The following LARP1B variants were observed in gnomAD, a reference collection of about 807,000 sequenced individuals.
The protein encoded by LARP1B is La ribonucleoprotein 1B.
In LARP1B, 76 loss-of-function variants were observed where a neutral mutation model predicts 114.2. The observed-to-expected ratio is 0.67, with a 90% CI of 0.55 to 0.81. LARP1B has a LOEUF of 0.81. Ranked by LOEUF, LARP1B falls within the 30% of genes least tolerant of loss-of-function variation. The probability of loss-of-function intolerance (pLI) is 0.00; values close to 1 mark genes in which losing one functional copy is unlikely to be tolerated. For missense variants in LARP1B, 1,014 were observed against 1,075.8 expected (o/e 0.94, Z 0.80); for synonymous variants, 345 against 348.0 (o/e 0.99, Z 0.10).
At chr4:128,201,607 T>C (rs1476620378) in intron 17 of LARP1B, among the ~76,000 whole-genome samples, 1 of 152,240 alleles carries the variant, frequency 6.6e-6, no homozygotes, top group African/African-American at 2.4e-5. Flanking sequence ...CATCTGTGCA[T>C]GTTCTTAACT....
intron 15 of LARP1B, among the ~76,000 whole-genome samples, chr4:128,191,927 T>G (rs1308400201): frequency 6.6e-6 from 1 of 152,148 alleles, no homozygotes; most frequent in Non-Finnish European, 1.5e-5. Context: ...CCTGGCAGAT[T>G]GCAGAAAAGG....
intron 8 of LARP1B, 57 bp from the exon 9 acceptor site, chr4:128,107,082 G>T: frequency 7.0e-7 from 1 of 1,435,294 alleles, no homozygotes. Context: ...GTTCTTAGAA[G>T]TATAGCACAG....
upstream of LARP1B, among the ~76,000 whole-genome samples, chr4:128,061,097 G>C (rs1480493381): frequency 6.6e-6 from 1 of 151,966 alleles, no homozygotes; most frequent in African/African-American, 2.4e-5. Flanking sequence ...CCAGTGAGCC[G>C]GGAGTCGTCC....
rs1758884229 is a variant in LARP1B, at chr4:128,210,985, CTTTTTGTTTAT to C, written c.*943_*953del. The C allele has an allele frequency of 1.1e-6, 1 of 926,762 alleles. No individual in the cohort carries two copies. The highest frequency in any genetic ancestry group is 1.8e-5 in the African/African-American group (1 of 55,956). The allele number at this position is 926,762 out of a possible 1,614,324, so 57.4% of individuals were successfully genotyped here. A position where few individuals can be genotyped will look rare whatever the true frequency, so the allele number is the denominator to read the frequency against. ...ATTTAAAATGAATACTTAGTTTTACCTTTTTGTTTATTTTTTGTTTAATTTTGTTTTTATAA... is the reference window on the plus strand; with the variant it reads ...ATTTAAAATGAATACTTAGTTTTACCTTTTTGTTTAATTTTGTTTTTATAA... On this transcript the variant is annotated 3_prime_UTR_variant, in exon 20 of 20. Transcript: ENST00000326639.
chr4:128,193,931 A>G (rs571565372), intron 15 of LARP1B, among the ~76,000 whole-genome samples: 1 of 151,850 alleles, frequency 6.6e-6, no homozygotes, highest in African/African-American at 2.4e-5. Context: ...TACTCCTTTT[A>G]AATTGTATTT....
chr4:128,188,693 C>T (rs865870427), intron 15 of LARP1B, among the ~76,000 whole-genome samples: 9 of 152,088 alleles, frequency 5.9e-5, no homozygotes, highest in Admixed American at 3.9e-4. Context: ...TGGAAAGTTA[C>T]GTTTCCATTT....
intron 7 of LARP1B, among the ~76,000 whole-genome samples, chr4:128,096,385 G>A (rs1242493536): frequency 6.6e-6 from 1 of 152,150 alleles, no homozygotes; most frequent in Non-Finnish European, 1.5e-5. Context: ...ATTATTAAAT[G>A]TATTGTGAAT....
chr4:128,219,814 A>C (rs1759855043), intron 6 of LARP1B, among the ~76,000 whole-genome samples: 1 of 151,670 alleles, frequency 6.6e-6, no homozygotes, highest in Admixed American at 6.6e-5. Flanking sequence ...TAAATAAATA[A>C]ATAAATAAAT....
downstream of LARP1B, among the ~76,000 whole-genome samples, chr4:128,216,941 TA>T (rs1419231273): frequency 2.0e-5 from 3 of 151,448 alleles, no homozygotes; most frequent in Non-Finnish European, 4.4e-5. Flanking sequence ...ATAGACACAA[TA>T]AAAAATGATA....
intron 9 of LARP1B, among the ~76,000 whole-genome samples, 184 bp from the exon 10 acceptor site, chr4:128,114,386 G>A (rs534161306): frequency 2.0e-5 from 3 of 152,106 alleles, no homozygotes; most frequent in African/African-American, 4.8e-5. Context: ...ATTATTCAGT[G>A]GCTTCACTTT....
chr4:128,082,700 T>C (rs1263084683), intron 5 of LARP1B, among the ~76,000 whole-genome samples: 3 of 152,184 alleles, frequency 2.0e-5, no homozygotes, highest in Non-Finnish European at 4.4e-5. Context: ...GATAATCGTA[T>C]TGTAGATATC....
At chr4:128,131,054 G>A (rs1465888885) in intron 11 of LARP1B, among the ~76,000 whole-genome samples, 1 of 152,192 alleles carries the variant, frequency 6.6e-6, no homozygotes, top group Non-Finnish European at 1.5e-5. Context: ...ACAGAGCACA[G>A]GTTTTTTAGG....
chr4:128,079,729 A>C (rs1469774786), intron 4 of LARP1B, among the ~76,000 whole-genome samples: 1 of 150,176 alleles, frequency 6.7e-6, no homozygotes, highest in Non-Finnish European at 1.5e-5. Context: ...ATGCCTGGCT[A>C]ATTTTTGTAT....
intron 9 of LARP1B, chr4:128,108,001 G>A: frequency 6.5e-7 from 1 of 1,527,898 alleles, no homozygotes. Flanking sequence ...AAAAATGAAA[G>A]CGATCAGACT....
chr4:128,217,186 G>T (rs1172436310), intron 6 of LARP1B, among the ~76,000 whole-genome samples: 1 of 136,884 alleles, frequency 7.3e-6, no homozygotes, highest in East Asian at 2.1e-4. Flanking sequence ...AGGACCAGAT[G>T]GATTCACAGC....
intron 12 of LARP1B, among the ~76,000 whole-genome samples, chr4:128,166,965 T>TA (rs1741210783): frequency 1.0e-5 from 1 of 96,156 alleles, no homozygotes; most frequent in Non-Finnish European, 2.1e-5. Flanking sequence ...TCTCTCTCTC[T>TA]CTCTCTATAT....
intron 10 of LARP1B, among the ~76,000 whole-genome samples, chr4:128,117,914 T>G (rs956518810): frequency 1.8e-4 from 4 of 21,772 alleles, no homozygotes; most frequent in African/African-American, 4.2e-4. Flanking sequence ...ACAGAAAATC[T>G]TTTTTTTTTT....
At chr4:128,181,887 G>T (rs992256675) in intron 15 of LARP1B, among the ~76,000 whole-genome samples, 1 of 143,482 alleles carries the variant, frequency 7.0e-6, no homozygotes, top group African/African-American at 2.6e-5. Context: ...CTCACTGCAA[G>T]CTCTGCCTCC....
intron 10 of LARP1B, among the ~76,000 whole-genome samples, chr4:128,121,406 G>A (rs1425743089): frequency 2.6e-5 from 4 of 152,072 alleles, no homozygotes; most frequent in Non-Finnish European, 4.4e-5. Context: ...CAACCTCCCT[G>A]CCTCCCAGGT....
Sources: gnomAD v4.1 joint callset for allele counts (sites outside exome capture counted in the v4.1 genomes callset) on GRCh38, gnomAD v4.1.1 for gene constraint, MANE v1.5 for transcripts, NCBI Gene and HGNC (gene_info 2026-07-23, HGNC 2026-07-21) for gene names.